CSMD1: variants seen among roughly 807,000 people sequenced by gnomAD.
The protein encoded by CSMD1 is CUB and sushi domain-containing protein 1.
Under a neutral mutation model 417.5 loss-of-function variants are expected in CSMD1, and 213 were observed. The ratio of observed to expected loss-of-function variants is 0.51; its 90% CI spans 0.46 to 0.57. The LOEUF (loss-of-function observed/expected upper bound fraction) is 0.57, where lower values mean the gene tolerates loss of function less well. Among genes scored for constraint, CSMD1 ranks in the 20% least tolerant of loss-of-function variants. The pLI is 0.00. For missense variants in CSMD1, 6,923 were observed against 4,529.7 expected (o/e 1.53, Z -15.17); for synonymous variants, 2,862 against 1,736.8 (o/e 1.65, Z -16.11).
intron 5 of CSMD1, among the ~76,000 whole-genome samples, chr8:3,835,268 C>A (rs1303584748): frequency 1.3e-5 from 2 of 151,938 alleles, no homozygotes; most frequent in South Asian, 2.1e-4. Flanking sequence ...CACATGCACA[C>A]ATATGTTTAC....
At chr8:4,203,707 C>G (rs1222557954) in intron 3 of CSMD1, among the ~76,000 whole-genome samples, 1 of 152,122 alleles carries the variant, frequency 6.6e-6, no homozygotes, top group Non-Finnish European at 1.5e-5. Flanking sequence ...CACAAACATA[C>G]ACACACATAC....
intron 1 of CSMD1, among the ~76,000 whole-genome samples, chr8:4,759,953 G>C (rs1273201312): frequency 1.3e-5 from 2 of 152,154 alleles, no homozygotes; most frequent in Non-Finnish European, 2.9e-5. Flanking sequence ...AGGTCAAAGG[G>C]TATTTCTGGT....
At chr8:3,208,800 C>G (rs111459541) in intron 30 of CSMD1, among the ~76,000 whole-genome samples, 4 of 152,174 alleles carry the variant, frequency 2.6e-5, no homozygotes, top group South Asian at 2.1e-4. Flanking sequence ...AGTCTCCCAG[C>G]CTACATCTTT....
chr8:3,733,256 A>G (rs1796359682), intron 6 of CSMD1, among the ~76,000 whole-genome samples: 1 of 97,008 alleles, frequency 1.0e-5, no homozygotes. Flanking sequence ...ATTAATATAT[A>G]TACACATACA....
chr8:4,115,289 C>T (rs1393644807), intron 3 of CSMD1, among the ~76,000 whole-genome samples: 1 of 152,162 alleles, frequency 6.6e-6, no homozygotes, highest in Admixed American at 6.5e-5. Context: ...TAATTTTTAG[C>T]ATTTTTGGCA....
chr8:3,881,454 G>C (rs1261090805), intron 5 of CSMD1, among the ~76,000 whole-genome samples: 1 of 151,448 alleles, frequency 6.6e-6, no homozygotes, highest in Non-Finnish European at 1.5e-5. Flanking sequence ...GGTCAAGATG[G>C]TGAAACCCTG....
intron 3 of CSMD1, among the ~76,000 whole-genome samples, chr8:4,131,116 G>A (rs1267564504): frequency 6.6e-6 from 1 of 152,136 alleles, no homozygotes; most frequent in Non-Finnish European, 1.5e-5. Flanking sequence ...GAGAACCACT[G>A]CTTATTCATT....
At chr8:3,982,729 T>C (rs1269637479) in intron 5 of CSMD1, among the ~76,000 whole-genome samples, 1 of 152,078 alleles carries the variant, frequency 6.6e-6, no homozygotes, top group East Asian at 1.9e-4. Flanking sequence ...ACCCGGCATC[T>C]GTAGGAGGCT....
chr8:4,676,728 C>T (rs190253579), intron 1 of CSMD1, among the ~76,000 whole-genome samples: 3 of 152,072 alleles, frequency 2.0e-5, no homozygotes, highest in Admixed American at 2.0e-4. Flanking sequence ...CTAGATCTCT[C>T]CCCCAGCCCT....
At chr8:4,319,338 G>T (rs2128883056) in intron 3 of CSMD1, among the ~76,000 whole-genome samples, 1 of 152,094 alleles carries the variant, frequency 6.6e-6, no homozygotes. Flanking sequence ...AGCATATTAT[G>T]ATTTTCCTCC....
chr8:4,379,415 G>A (rs1802960162), intron 3 of CSMD1, among the ~76,000 whole-genome samples: 1 of 152,164 alleles, frequency 6.6e-6, no homozygotes, highest in African/African-American at 2.4e-5. Flanking sequence ...CAAACCTGGT[G>A]AGTTCCAGTA....
At chr8:3,677,782 T>C (rs773601633) in intron 7 of CSMD1, among the ~76,000 whole-genome samples, 6 of 152,150 alleles carry the variant, frequency 3.9e-5, no homozygotes, top group Admixed American at 1.3e-4. Flanking sequence ...ATCCAGAGTA[T>C]ATGTGCAATT....
chr8:3,050,457 A>G (rs754870574), intron 50 of CSMD1, among the ~76,000 whole-genome samples: 1 of 152,212 alleles, frequency 6.6e-6, no homozygotes, highest in Non-Finnish European at 1.5e-5. Flanking sequence ...CAAAAGAAAC[A>G]TTGTCCATAA....
At chr8:4,790,045 T>A (rs1797611133) in intron 1 of CSMD1, among the ~76,000 whole-genome samples, 1 of 152,332 alleles carries the variant, frequency 6.6e-6, no homozygotes, top group East Asian at 1.9e-4. Flanking sequence ...TATGTGTGAA[T>A]CTTCAGAGAA....
At chr8:3,325,896 G>C (rs529493610) in intron 23 of CSMD1, among the ~76,000 whole-genome samples, 4 of 152,240 alleles carry the variant, frequency 2.6e-5, no homozygotes, top group African/African-American at 9.6e-5. Flanking sequence ...TCCACTATCA[G>C]ATCATCACAA....
intron 52 of CSMD1, among the ~76,000 whole-genome samples, chr8:3,003,719 G>A (rs930034054): frequency 3.9e-5 from 6 of 152,180 alleles, no homozygotes; most frequent in African/African-American, 1.2e-4. Context: ...TGCGGACCTA[G>A]CAGGCTGGGA....
In CSMD1 at chr8:4,843,385, G is replaced by T. The variant is rs550325524; in HGVS notation, c.85+150947C>A. On this transcript the variant is annotated intron_variant, in intron 1 of 69. Transcript: ENST00000635120. The stretch of plus-strand genomic sequence containing the variant: ...ACCTTAGGGATGATTACGACCTTAA[G>T]AACCCTTCATTGTTTTCATGACTTT... 1.0e-3 allele frequency among the ~76,000 whole-genome samples: 156 copies of T among 152,182 alleles called. 2 individuals carry two copies. Among genetic ancestry groups the T allele is most frequent in the African/African-American group, 3.7e-3 (153 of 41,534 alleles).
intron 20 of CSMD1, among the ~76,000 whole-genome samples, chr8:3,365,998 G>A (rs1809541004): frequency 6.6e-6 from 1 of 152,162 alleles, no homozygotes. Flanking sequence ...CAACTATTGT[G>A]ACACATAATC....
At chr8:4,130,816 T>G (rs142907105) in intron 3 of CSMD1, among the ~76,000 whole-genome samples, 58 of 151,780 alleles carry the variant, frequency 3.8e-4, no homozygotes, top group African/African-American at 1.3e-3. Context: ...TATTTGTATA[T>G]ATAATATTGT....
Sources: gnomAD v4.1 joint callset for allele counts (sites outside exome capture counted in the v4.1 genomes callset) on GRCh38, gnomAD v4.1.1 for gene constraint, MANE v1.5 for transcripts, NCBI Gene and HGNC (gene_info 2026-07-23, HGNC 2026-07-21) for gene names.